The following SHCBP1 variants were observed in gnomAD, a reference collection of about 807,000 sequenced individuals.
SHCBP1 encodes SHC SH2 domain-binding protein 1.
A neutral mutation model predicts 75.1 loss-of-function variants in SHCBP1; 60 were observed. That is an observed-to-expected ratio of 0.80 (90% confidence interval 0.65 to 0.99). The LOEUF is 0.99. Among genes scored for constraint, SHCBP1 ranks in the 50% least tolerant of loss-of-function variants. The pLI is 0.00. For synonymous variants in SHCBP1, 290 were observed against 293.2 expected (o/e 0.99, Z 0.11); for missense variants, 709 against 809.4 (o/e 0.88, Z 1.50).
At chr16:46,612,700 T>C (rs1178161499) in intron 4 of SHCBP1, among the ~76,000 whole-genome samples, 2 of 152,184 alleles carry the variant, frequency 1.3e-5, no homozygotes, top group Non-Finnish European at 2.9e-5. Context: ...CTGCCAGAAG[T>C]GCCTTCCACC....
chr16:46,599,228 A>G (rs1965190154), intron 9 of SHCBP1, among the ~76,000 whole-genome samples: 2 of 152,192 alleles, frequency 1.3e-5, no homozygotes, highest in South Asian at 4.1e-4. Flanking sequence ...GTGTCAGCCT[A>G]TCTCAGCTTT....
At position 46,616,078 on chromosome 16, in the gene SHCBP1, C is replaced by T. The variant is rs1485293574; in HGVS notation, c.464G>A (p.Ser155Asn). 6.2e-7 allele frequency: 1 copy of T among 1,614,238 alleles called. No homozygotes were observed. Among genetic ancestry groups the T allele is most frequent in the East Asian group, 2.2e-5 (1 of 44,890 alleles). ...AEPYLCDSQV[S>N]TFTMECMKEL... ...CTTCATGCACTCCATGGTAAAAGTG[C>T]TCACTTGAGAGTCACAGAGGTATGG... Residue 155 changes from serine (S) to asparagine (N), a missense_variant, in exon 4 of 13, where the codon AGC (serine) becomes AAC (asparagine). Transcript: ENST00000303383. This position sits in a 1 kb window ranked among gnomAD's most constrained non-coding sequence, Gnocchi z 4.4.
intron 9 of SHCBP1, among the ~76,000 whole-genome samples, 183 bp downstream of exon 9, chr16:46,599,648 G>A (rs1965196733): frequency 9.3e-6 from 1 of 106,978 alleles, no homozygotes; most frequent in African/African-American, 3.6e-5. Context: ...TTGAAACAGG[G>A]TTGCCACAAC....
At chr16:46,584,238 T>G in intron 10 of SHCBP1, 149 bp from the exon 11 acceptor site, 3 of 507,842 alleles carry the variant, frequency 5.9e-6, no homozygotes, top group Non-Finnish European at 1.0e-5. Flanking sequence ...CAGCCATTTT[T>G]AATCAACATT....
intron 4 of SHCBP1, among the ~76,000 whole-genome samples, chr16:46,613,888 G>A (rs1207674105): frequency 1.3e-5 from 2 of 152,060 alleles, no homozygotes; most frequent in Admixed American, 6.6e-5. Context: ...CCTTCACTGG[G>A]CACTGATCCA....
chr16:46,591,061 G>A (rs1217168953), intron 10 of SHCBP1, among the ~76,000 whole-genome samples: 1 of 152,112 alleles, frequency 6.6e-6, no homozygotes, highest in African/African-American at 2.4e-5. Context: ...GCAAACTATC[G>A]CAAGGACAGA....
intron 1 of SHCBP1, among the ~76,000 whole-genome samples, chr16:46,619,623 T>C (rs924977653): frequency 6.6e-6 from 1 of 152,244 alleles, no homozygotes; most frequent in African/African-American, 2.4e-5. Context: ...TATTACATAA[T>C]GTATATGTTT....
Position 46,616,553 on chromosome 16 carries a change from G to C in SHCBP1, c.388-399C>G, listed in dbSNP as rs1399567882. ...AGCGGAAAGGCAGTCCTTCTTGCTGGAGCCAAAGGGAGGAAATGGAGGAGG... is the reference window on the plus strand; with the variant it reads ...AGCGGAAAGGCAGTCCTTCTTGCTGCAGCCAAAGGGAGGAAATGGAGGAGG... On this transcript the variant is annotated intron_variant, in intron 3 of 12. Transcript: ENST00000303383. This position sits in a 1 kb window ranked among gnomAD's most constrained non-coding sequence, Gnocchi z 4.4. Among the ~76,000 whole-genome samples the C allele has an allele frequency of 1.3e-5, 2 of 152,162 alleles. No homozygotes were observed. The highest frequency in any genetic ancestry group is 4.8e-5 in the African/African-American group (2 of 41,426).
At chr16:46,595,094 T>C (rs542469405) in intron 10 of SHCBP1, among the ~76,000 whole-genome samples, 21 of 152,286 alleles carry the variant, frequency 1.4e-4, no homozygotes, top group African/African-American at 4.8e-4. Flanking sequence ...AAGAGGTTGG[T>C]GGGAGAGGCA....
chr16:46,601,550 A>G (rs1188398781), intron 8 of SHCBP1, among the ~76,000 whole-genome samples: 1 of 152,148 alleles, frequency 6.6e-6, no homozygotes, highest in African/African-American at 2.4e-5. Context: ...AAGCCGCTCA[A>G]TGTATCTACA....
rs901865276 is a variant in SHCBP1 at position 46,615,762 on chromosome 16, G to A, written c.596+184C>T. ...CTCAAAATTAAAAAATAAAAAAAAAGATTTAAAACATTTTTAATTTTTTTT... is the reference window on the plus strand; with the variant it reads ...CTCAAAATTAAAAAATAAAAAAAAAAATTTAAAACATTTTTAATTTTTTTT... On this transcript the variant is annotated intron_variant, in intron 4 of 12. Coordinates refer to ENST00000303383, the MANE Select transcript of SHCBP1 (RefSeq NM_024745.5). Among the ~76,000 whole-genome samples, 3 of 151,884 alleles carry A rather than the reference G, an allele frequency of 2.0e-5. No homozygotes were observed. In the South Asian group the frequency reaches 6.2e-4, roughly 32 times the overall value.
intron 4 of SHCBP1, among the ~76,000 whole-genome samples, chr16:46,609,600 C>T (rs1036208436): frequency 8.6e-5 from 13 of 151,608 alleles, no homozygotes; most frequent in African/African-American, 3.1e-4. Flanking sequence ...TACAGGCAAC[C>T]GCCACCACGC....
At chr16:46,608,135 T>G (rs781367362) in intron 5 of SHCBP1, among the ~76,000 whole-genome samples, 162 bp downstream of exon 5, 4 of 152,208 alleles carry the variant, frequency 2.6e-5, no homozygotes, top group African/African-American at 4.8e-5. Flanking sequence ...AATTTGTACA[T>G]CAGTTTATTT....
At chr16:46,583,281 C>T (rs1567440819) in intron 12 of SHCBP1, among the ~76,000 whole-genome samples, 1 of 152,322 alleles carries the variant, frequency 6.6e-6, no homozygotes, top group East Asian at 1.9e-4. Flanking sequence ...AAGAAGGGAA[C>T]TGCACAGAAA....
Position 46,603,573 on chromosome 16 carries a change from G to C in SHCBP1, c.1179C>G (p.Gly393=), listed in dbSNP as rs1965275939. Residue 393 remains glycine (G), a synonymous_variant, in exon 8 of 13, where the codon GGC becomes GGG. Transcript: ENST00000303383. ...IVCPGHYVVH[G]TFSIADSIEL... is the part of the protein sequence containing the mutation. ...CAATGGAGTCAGCAATGGAGAAAGTGCCATGTACCACATAATGGCCAGGAC... is the reference window on the plus strand; with the variant it reads ...CAATGGAGTCAGCAATGGAGAAAGTCCCATGTACCACATAATGGCCAGGAC... The C allele has an allele frequency of 3.1e-6, 5 of 1,614,066 alleles. No homozygotes were observed. In the East Asian group the frequency reaches 8.9e-5, roughly 29 times the overall value.
intron 10 of SHCBP1, 114 bp from the exon 11 acceptor site, chr16:46,584,203 A>C: frequency 1.6e-6 from 1 of 640,938 alleles, no homozygotes; most frequent in Non-Finnish European, 2.5e-6. Context: ...GCACAAAGAT[A>C]AAGTACTTTA....
chr16:46,605,359 C>T (rs1965309551), intron 5 of SHCBP1, among the ~76,000 whole-genome samples: 1 of 152,166 alleles, frequency 6.6e-6, no homozygotes. Flanking sequence ...GAGGCCAAGG[C>T]AGGCAGATCA....
chr16:46,579,406 T>C lies in SHCBP1; in HGVS notation c.*2323A>G, dbSNP rs1324066234. ...TATAATGAATCATGTGAATAAAAAT[T>C]AATATAAGCTTAGATTTAAGCTAAA... On this transcript the variant is annotated 3_prime_UTR_variant, in exon 13 of 13. Coordinates refer to ENST00000303383, the MANE Select transcript of SHCBP1 (RefSeq NM_024745.5). 6.6e-6 allele frequency among the ~76,000 whole-genome samples: 1 copy of C among 152,176 alleles called. No homozygotes were observed. The highest frequency in any genetic ancestry group is 1.5e-5 in the Non-Finnish European group (1 of 68,026).
rs771667865 is a variant in SHCBP1 at position 46,618,282 on chromosome 16, GTTT to G, written c.191_193del (p.Lys64del). The G allele has an allele frequency of 5.6e-6, 9 of 1,613,490 alleles. No individual in the cohort carries two copies. In the East Asian group the frequency reaches 2.0e-4, roughly 36 times the overall value. ...TGTTTGGAAAATTTCTGGGAAAAAG[GTTT>G]TTCCTTCTGGCATAAAACTTTGTAA... On this transcript the variant is annotated inframe_deletion, in exon 2 of 13. Transcript: ENST00000303383.
Sources: allele counts gnomAD v4.1 joint callset (sites outside exome capture counted in the v4.1 genomes callset), GRCh38; gene constraint gnomAD v4.1.1; non-coding constraint Gnocchi (gnomAD v3.1); transcripts MANE v1.5; gene names NCBI Gene and HGNC (gene_info 2026-07-23, HGNC 2026-07-21).